PRIM2: variants seen among roughly 807,000 people sequenced by gnomAD.
The protein encoded by PRIM2 is DNA primase subunit 2, also known as DNA primase large subunit.
PRIM2 carries 39 observed loss-of-function variants against 67.3 expected under a neutral mutation model. The observed-to-expected ratio is 0.58, with a 90% confidence interval of 0.45 to 0.76. The LOEUF (loss-of-function observed/expected upper bound fraction) is 0.76. Ranked by LOEUF, PRIM2 falls within the 30% of genes least tolerant of loss-of-function variation. The probability of loss-of-function intolerance (pLI) is 0.00; values close to 1 mark genes in which losing one functional copy is unlikely to be tolerated. For synonymous variants in PRIM2, 143 were observed against 198.7 expected (o/e 0.72, Z 2.36); for missense variants, 398 against 598.7 (o/e 0.66, Z 3.50).
rs1235202019 is a variant in PRIM2 at position 57,546,099 on chromosome 6, TACTAAA to T, written c.1020+8476_1020+8481del. ...GTGTAGTTTCACAACTTTGAATATT[TACTAAA>T]ATAATATAATGAATGTTGGATGCTA... On this transcript the variant is annotated intron_variant, in intron 10 of 13. Coordinates refer to ENST00000615550, the MANE Select transcript of PRIM2 (RefSeq NM_000947.5). Among the ~76,000 whole-genome samples, 32 of 152,336 alleles carry T rather than the reference TACTAAA, an allele frequency of 2.1e-4. No homozygotes were observed. The East Asian group carries it at 6.0e-3, about 28-fold the overall frequency.
chr6:57,539,634 GTGTGTGTGTGTGTGTGTGTGTGTATATA>G (rs1452681368), intron 10 of PRIM2, among the ~76,000 whole-genome samples: 13 of 67,880 alleles, frequency 1.9e-4, no homozygotes, highest in East Asian at 9.1e-4. Context: ...GTGTGTGTGT[GTGTGTGTGTGTGTGTGTGTGTGTATATA>G]TATATATATA....
At chr6:57,466,243 C>G (rs1315622589) in intron 7 of PRIM2, among the ~76,000 whole-genome samples, 1 of 152,144 alleles carries the variant, frequency 6.6e-6, no homozygotes, top group African/African-American at 2.4e-5. Context: ...TGGGTTGGTT[C>G]CAAGTCTTTG....
At chr6:57,434,788 C>CT (rs375249576) in intron 7 of PRIM2, among the ~76,000 whole-genome samples, 1,587 of 151,050 alleles carry the variant, frequency 0.011, 28 homozygotes, top group African/African-American at 0.037. Context: ...CTTTTCTTTT[C>CT]TTTTTTTTCT....
chr6:57,275,165 C>T, the PRIM2 span, among the ~76,000 whole-genome samples: 16 of 152,066 alleles, frequency 1.1e-4, no homozygotes, highest in African/African-American at 3.9e-4. Context: ...CAAAAAAATG[C>T]AAGCAGACGA....
intron 7 of PRIM2, among the ~76,000 whole-genome samples, chr6:57,424,017 G>C (rs899297887): frequency 6.6e-6 from 1 of 152,196 alleles, no homozygotes. Context: ...GGGCTGACTA[G>C]AAATTTTTGT....
At chr6:57,303,885 T>C in the PRIM2 span, among the ~76,000 whole-genome samples, 4 of 152,330 alleles carry the variant, frequency 2.6e-5, no homozygotes, top group Admixed American at 1.3e-4. Flanking sequence ...TCTGCCTGCC[T>C]AGGCCTCCCA....
At chr6:57,320,132 G>A (rs954587004) in intron 2 of PRIM2, among the ~76,000 whole-genome samples, 1 of 152,144 alleles carries the variant, frequency 6.6e-6, no homozygotes, top group Non-Finnish European at 1.5e-5. Context: ...TACGAAGGAT[G>A]CAAACAAGGA....
chr6:57,600,986 A>G, intron 10 of PRIM2, 107 bp from the exon 11 acceptor site: 2 of 1,077,356 alleles, frequency 1.9e-6, no homozygotes, highest in Non-Finnish European at 2.6e-6. Flanking sequence ...TGCTGAGTTT[A>G]TTCTAGAAAA....
chr6:57,297,357 G>T, the PRIM2 span, among the ~76,000 whole-genome samples: 1 of 152,012 alleles, frequency 6.6e-6, no homozygotes, highest in Non-Finnish European at 1.5e-5. Context: ...CAGGAGAATC[G>T]CTTGAACCTG....
chr6:57,486,386 G>A (rs1215831376), intron 7 of PRIM2, among the ~76,000 whole-genome samples: 1 of 152,234 alleles, frequency 6.6e-6, no homozygotes, highest in African/African-American at 2.4e-5. Context: ...GGCATGAATG[G>A]GTTAAGAGAC....
intron 10 of PRIM2, among the ~76,000 whole-genome samples, chr6:57,591,723 G>A (rs1456233353): frequency 5.3e-5 from 8 of 152,304 alleles, no homozygotes; most frequent in Admixed American, 4.6e-4. Context: ...CTACTGGCGA[G>A]AATGCAAATC....
At chr6:57,245,363 A>G in the PRIM2 span, among the ~76,000 whole-genome samples, 5 of 152,238 alleles carry the variant, frequency 3.3e-5, no homozygotes, top group Admixed American at 2.6e-4. Context: ...CATGAAGCTC[A>G]TACACCCATG....
the PRIM2 span, among the ~76,000 whole-genome samples, chr6:57,273,941 G>A: frequency 7.4e-4 from 112 of 152,160 alleles, no homozygotes; most frequent in African/African-American, 2.3e-3. Flanking sequence ...GCAGAACAGC[G>A]GATATTGGTG....
chr6:57,243,324 T>C, the PRIM2 span, among the ~76,000 whole-genome samples: 1 of 152,108 alleles, frequency 6.6e-6, no homozygotes, highest in Non-Finnish European at 1.5e-5. Flanking sequence ...GAGTTCAGAA[T>C]GGGAGGCTGT....
chr6:57,623,287 A>C (rs1377531702), intron 12 of PRIM2, among the ~76,000 whole-genome samples: 1 of 152,172 alleles, frequency 6.6e-6, no homozygotes, highest in Non-Finnish European at 1.5e-5. Flanking sequence ...ATTTCTGTGT[A>C]TATCCTTCCT....
At chr6:57,433,537 G>A (rs1253406295) in intron 7 of PRIM2, among the ~76,000 whole-genome samples, 8 of 152,008 alleles carry the variant, frequency 5.3e-5, no homozygotes, top group Admixed American at 3.3e-4. Context: ...GTCCACTTTC[G>A]GAATCCTTAG....
intron 7 of PRIM2, among the ~76,000 whole-genome samples, chr6:57,469,813 G>A: frequency 6.6e-6 from 1 of 152,200 alleles, no homozygotes; most frequent in Middle Eastern, 3.4e-3. Context: ...TATTAATACA[G>A]ATGTAATGCT....
At chr6:57,517,306 A>T (rs1347321519) in intron 8 of PRIM2, among the ~76,000 whole-genome samples, 3 of 152,192 alleles carry the variant, frequency 2.0e-5, no homozygotes, top group African/African-American at 7.2e-5. Flanking sequence ...TAATGATGTT[A>T]TGGGAAATAA....
At chr6:57,621,440 A>C (rs1386544054) in intron 12 of PRIM2, among the ~76,000 whole-genome samples, 9 of 152,098 alleles carry the variant, frequency 5.9e-5, no homozygotes, top group Non-Finnish European at 1.2e-4. Context: ...CCACAGTACC[A>C]TAGTACCATT....
Sources: allele counts gnomAD v4.1 joint callset (sites outside exome capture counted in the v4.1 genomes callset), GRCh38; gene constraint gnomAD v4.1.1; transcripts MANE v1.5; gene names NCBI Gene and HGNC (gene_info 2026-07-23, HGNC 2026-07-21).